PRKAR1B: variants seen among roughly 807,000 people sequenced by gnomAD.
PRKAR1B encodes cAMP-dependent protein kinase type I-beta regulatory subunit.
PRKAR1B carries 22 observed loss-of-function variants against 46.5 expected under a neutral mutation model. The observed-to-expected ratio is 0.47, with a 90% CI of 0.34 to 0.68. The LOEUF is 0.68. PRKAR1B is among the 30% of genes least tolerant of loss of function. PRKAR1B has a pLI of 0.01. For synonymous variants in PRKAR1B, 259 were observed against 217.7 expected (o/e 1.19, Z -1.67); for missense variants, 445 against 535.6 (o/e 0.83, Z 1.67).
intron 4 of PRKAR1B, among the ~76,000 whole-genome samples, chr7:676,407 G>A (rs1021745704): frequency 4.6e-5 from 7 of 152,152 alleles, no homozygotes; most frequent in South Asian, 2.1e-4. Flanking sequence ...GGCAGGAGCC[G>A]CAGGAAAGGT....
chr7:565,877 A>G (rs902710056), intron 9 of PRKAR1B, among the ~76,000 whole-genome samples: 5 of 152,138 alleles, frequency 3.3e-5, no homozygotes, highest in African/African-American at 1.2e-4. Context: ...CCTATCCAGA[A>G]TCCACCAGGT....
intron 2 of PRKAR1B, among the ~76,000 whole-genome samples, chr7:709,108 T>TA (rs67191707): frequency 7.5e-4 from 53 of 70,238 alleles, no homozygotes; most frequent in East Asian, 2.4e-3. Context: ...TATTTAATAC[T>TA]AAAAAAAAAA....
At chr7:564,280 C>T (rs1387519484) in intron 9 of PRKAR1B, among the ~76,000 whole-genome samples, 2 of 152,182 alleles carry the variant, frequency 1.3e-5, no homozygotes, top group African/African-American at 4.8e-5. Context: ...CAGGCCGCCG[C>T]CCCCAGCGTC....
chr7:584,709 A>T (rs1412532922), intron 7 of PRKAR1B, 141 bp from the exon 8 acceptor site: 18 of 707,236 alleles, frequency 2.5e-5, no homozygotes, highest in Non-Finnish European at 4.4e-5. Flanking sequence ...GCCCTCGACG[A>T]CTCGGAGTCT....
chr7:634,634 C>A (rs1229545492), intron 4 of PRKAR1B, among the ~76,000 whole-genome samples: 2 of 150,390 alleles, frequency 1.3e-5, no homozygotes, highest in East Asian at 1.9e-4. Context: ...CTGGTGTCTG[C>A]AACTTACTGT....
At chr7:613,612 C>T (rs1782646677) in intron 4 of PRKAR1B, among the ~76,000 whole-genome samples, 1 of 152,190 alleles carries the variant, frequency 6.6e-6, no homozygotes, top group Non-Finnish European at 1.5e-5. Flanking sequence ...GTAACTCAGC[C>T]CATCGTTCCG....
chr7:725,648 C>G (rs1297749406), intron 1 of PRKAR1B, among the ~76,000 whole-genome samples: 1 of 152,218 alleles, frequency 6.6e-6, no homozygotes, highest in Non-Finnish European at 1.5e-5. Context: ...CAACCTCCTT[C>G]TTGCCTGGGG....
rs1351923130 is a variant in PRKAR1B, at chr7:636,365, C to T, written c.441-28913G>A. Among the ~76,000 whole-genome samples, 23 of 36,122 alleles carry T rather than the reference C, an allele frequency of 6.4e-4. 1 individual carries two copies. The highest frequency in any genetic ancestry group is 1.5e-3 in the African/African-American group (12 of 7,930). The allele number at this position is 36,122 out of a possible 152,430, so 23.7% of individuals were successfully genotyped here. A position where few individuals can be genotyped will look rare whatever the true frequency, so the allele number is the denominator to read the frequency against. The stretch of plus-strand genomic sequence containing the variant: ...CCGCGCCCACACGTCCTCCACCGGC[C>T]GCGCCCACACGTCCTCCACCGGCCG... On this transcript the variant is annotated intron_variant, in intron 4 of 10. Transcript: ENST00000537384.
rs183288213 is a variant in PRKAR1B, at chr7:572,451, T to A, written c.891+6805A>T. Among the ~76,000 whole-genome samples, 348 of 152,058 alleles carry A rather than the reference T, an allele frequency of 2.3e-3. 1 individual carries two copies. Among genetic ancestry groups the A allele is most frequent in the African/African-American group, 7.9e-3 (328 of 41,476 alleles). On this transcript the variant is annotated intron_variant, in intron 9 of 10. Transcript: ENST00000537384. ...CCCGCGGGGGTCTCGGGAGTTGGGG[T>A]TCCTGCAGCCTGGCCCTGCCTTCCC... is the stretch of plus-strand genomic sequence containing the variant.
chr7:581,302 C>CAA (rs758386135), intron 8 of PRKAR1B, among the ~76,000 whole-genome samples: 130 of 102,656 alleles, frequency 1.3e-3, no homozygotes, highest in Middle Eastern at 5.5e-3. Context: ...CACTCTGTCT[C>CAA]AAAAAAAAAA....
At chr7:606,345 G>A in intron 5 of PRKAR1B, 106 bp from the exon 6 acceptor site, 2 of 918,428 alleles carry the variant, frequency 2.2e-6, no homozygotes, top group Non-Finnish European at 3.5e-6. Context: ...GACCCTCGAA[G>A]CAACATCCTG....
At chr7:554,949 C>CG (rs1199589684) in intron 9 of PRKAR1B, among the ~76,000 whole-genome samples, 2 of 152,194 alleles carry the variant, frequency 1.3e-5, no homozygotes, top group Non-Finnish European at 2.9e-5. Context: ...TCTGGGACCT[C>CG]GGGGAGGTGC....
intron 7 of PRKAR1B, among the ~76,000 whole-genome samples, chr7:589,183 G>T (rs1176070066): frequency 6.6e-6 from 1 of 151,438 alleles, no homozygotes; most frequent in African/African-American, 2.4e-5. Context: ...TGTCCCCTCT[G>T]GTCTTCGGTT....
chr7:655,441 C>T (rs1785142322), intron 4 of PRKAR1B, among the ~76,000 whole-genome samples: 1 of 152,198 alleles, frequency 6.6e-6, no homozygotes, highest in Admixed American at 6.5e-5. Context: ...GGTTCACTTC[C>T]TCTTTCCCCC....
intron 2 of PRKAR1B, among the ~76,000 whole-genome samples, chr7:708,377 AT>A (rs1188418748): frequency 2.6e-5 from 4 of 152,246 alleles, no homozygotes; most frequent in Non-Finnish European, 4.4e-5. Context: ...TCCATGGGAG[AT>A]GGTTCTAGAA....
chr7:565,618 A>C (rs371227212), intron 9 of PRKAR1B: 2 of 152,210 alleles, frequency 1.3e-5, no homozygotes, highest in Non-Finnish European at 2.9e-5. Flanking sequence ...GCTGCAAATT[A>C]ATTGATTTTT....
intron 1 of PRKAR1B, among the ~76,000 whole-genome samples, chr7:718,181 C>G (rs1780945070): frequency 6.6e-6 from 1 of 151,220 alleles, no homozygotes; most frequent in African/African-American, 2.4e-5. Context: ...TTCAGAGGAC[C>G]CAGTAAAGCC....
chr7:717,731 G>A (rs916827340), intron 1 of PRKAR1B, among the ~76,000 whole-genome samples: 7 of 152,106 alleles, frequency 4.6e-5, no homozygotes, highest in Admixed American at 6.5e-5. Context: ...GGTAAGGGAT[G>A]CAAAATTTCA....
intron 7 of PRKAR1B, among the ~76,000 whole-genome samples, chr7:590,507 A>G (rs1780914349): frequency 6.6e-6 from 1 of 152,252 alleles, no homozygotes; most frequent in African/African-American, 2.4e-5. Flanking sequence ...TTGGAGCCCA[A>G]GAGGCCAGCA....
Sources: allele counts gnomAD v4.1 joint callset (sites outside exome capture counted in the v4.1 genomes callset), GRCh38; gene constraint gnomAD v4.1.1; transcripts MANE v1.5; gene names NCBI Gene and HGNC (gene_info 2026-07-23, HGNC 2026-07-21).